Variants in NTM observed in about 807,000 individuals in gnomAD.
NTM encodes neurotrimin, also known as IgLON family member 2.
NTM carries 13 observed loss-of-function variants against 42.1 expected under a neutral mutation model. The ratio of observed to expected loss-of-function variants is 0.31; its 90% CI spans 0.20 to 0.49. The LOEUF is 0.49. Among genes scored for constraint, NTM ranks in the 20% least tolerant of loss-of-function variants. The probability of loss-of-function intolerance (pLI) is 0.99; values close to 1 mark genes in which losing one functional copy is unlikely to be tolerated. For synonymous variants in NTM, 187 were observed against 179.2 expected, an observed-to-expected ratio of 1.04 and a Z score of -0.35; for missense variants, 373 against 452.8, an observed-to-expected ratio of 0.82 and a Z score of 1.60.
chr11:131,476,596 G>A (rs1242232128), intron 1 of NTM, among the ~76,000 whole-genome samples: 1 of 152,186 alleles, frequency 6.6e-6, no homozygotes, highest in East Asian at 1.9e-4. Flanking sequence ...AGGGGTTTAT[G>A]TGTGTTCTGG....
At chr11:131,628,532 T>C (rs1016522988) in intron 1 of NTM, among the ~76,000 whole-genome samples, 9 of 152,174 alleles carry the variant, frequency 5.9e-5, no homozygotes, top group Non-Finnish European at 1.3e-4. Context: ...CGCCAGCATA[T>C]TGGAACTAAC....
intron 1 of NTM, among the ~76,000 whole-genome samples, chr11:131,616,054 G>A (rs1048430428): frequency 1.3e-5 from 2 of 152,220 alleles, no homozygotes; most frequent in African/African-American, 2.4e-5. Flanking sequence ...GAATCCTCAG[G>A]ACACGCTATC....
chr11:131,766,577 C>A (rs959915792), intron 1 of NTM, among the ~76,000 whole-genome samples: 1 of 79,270 alleles, frequency 1.3e-5, no homozygotes, highest in Non-Finnish European at 3.0e-5. Context: ...CACAGCAGGC[C>A]CCCCCCTTCT....
intron 1 of NTM, among the ~76,000 whole-genome samples, chr11:131,853,342 A>T (rs7114790): frequency 6.6e-6 from 1 of 152,032 alleles, no homozygotes; most frequent in African/African-American, 2.4e-5. Flanking sequence ...CCCATCACCC[A>T]GGTATTAACC....
intron 1 of NTM, among the ~76,000 whole-genome samples, chr11:131,686,467 A>T (rs2134936998): frequency 6.6e-6 from 1 of 152,346 alleles, no homozygotes; most frequent in African/African-American, 2.4e-5. Context: ...GAAGTGGACC[A>T]TCATAAAGGT....
At chr11:131,751,205 G>T (rs2082458486) in intron 1 of NTM, among the ~76,000 whole-genome samples, 1 of 152,110 alleles carries the variant, frequency 6.6e-6, no homozygotes, top group African/African-American at 2.4e-5. Context: ...GCAGGCCAAG[G>T]CAGGCGGATC....
intron 1 of NTM, among the ~76,000 whole-genome samples, chr11:131,754,099 A>T (rs1417949079): frequency 1.6e-5 from 2 of 127,484 alleles, no homozygotes; most frequent in African/African-American, 3.0e-5. Flanking sequence ...ACATGGACAC[A>T]GGAAGGGGAA....
intron 1 of NTM, among the ~76,000 whole-genome samples, chr11:131,816,436 G>T (rs1477529308): frequency 1.3e-5 from 2 of 151,890 alleles, no homozygotes; most frequent in Non-Finnish European, 2.9e-5. Context: ...TCTGGGGTAC[G>T]TATCTTCCTG....
chr11:131,963,213 C>T (rs914428731), intron 2 of NTM, among the ~76,000 whole-genome samples: 6 of 152,124 alleles, frequency 3.9e-5, no homozygotes, highest in Admixed American at 6.5e-5. Flanking sequence ...CACACCAGCT[C>T]GCCATGCTCC....
At chr11:132,154,238 G>A (rs1417761987) in intron 3 of NTM, among the ~76,000 whole-genome samples, 4 of 152,154 alleles carry the variant, frequency 2.6e-5, no homozygotes, top group African/African-American at 9.7e-5. Context: ...CTTTCACAAG[G>A]AAGTGCACAT....
intron 1 of NTM, among the ~76,000 whole-genome samples, chr11:131,698,868 C>A (rs1455809048): frequency 1.3e-5 from 2 of 152,154 alleles, no homozygotes; most frequent in African/African-American, 4.8e-5. Context: ...ATAAAGCGTA[C>A]CTTGACTGCT....
intron 2 of NTM, among the ~76,000 whole-genome samples, chr11:131,945,159 A>C (rs950611676): frequency 6.6e-6 from 1 of 152,244 alleles, no homozygotes; most frequent in South Asian, 2.1e-4. Flanking sequence ...ACAAAATTGC[A>C]TAAGTCAAGT....
At chr11:132,273,988 A>G (rs917176461) in intron 4 of NTM, among the ~76,000 whole-genome samples, 1 of 152,206 alleles carries the variant, frequency 6.6e-6, no homozygotes. Context: ...GAATTTGTCC[A>G]TTTAATCTAA....
chr11:131,638,469 G>A (rs1307347584), intron 1 of NTM, among the ~76,000 whole-genome samples: 1 of 151,282 alleles, frequency 6.6e-6, no homozygotes, highest in Non-Finnish European at 1.5e-5. Context: ...GGGAGGTTGA[G>A]GCAGCAGAAT....
At chr11:131,915,849 T>G (rs2056254520) in intron 2 of NTM, among the ~76,000 whole-genome samples, 1 of 152,192 alleles carries the variant, frequency 6.6e-6, no homozygotes, top group African/African-American at 2.4e-5. Context: ...TGGGGAAAAC[T>G]GCCCCGATGA....
At chr11:131,480,103 T>C (rs1029667974) in intron 1 of NTM, among the ~76,000 whole-genome samples, 1 of 151,442 alleles carries the variant, frequency 6.6e-6, no homozygotes, top group East Asian at 2.0e-4. Flanking sequence ...AAAAAAATAC[T>C]GCATTCAATT....
At chr11:131,454,617 T>C (rs2136068283) in intron 1 of NTM, among the ~76,000 whole-genome samples, 1 of 152,186 alleles carries the variant, frequency 6.6e-6, no homozygotes, top group South Asian at 2.1e-4. Context: ...AGAGCTTATA[T>C]CCATCCCACA....
intron 2 of NTM, among the ~76,000 whole-genome samples, chr11:132,080,023 T>C (rs1249200987): frequency 6.6e-6 from 1 of 152,164 alleles, no homozygotes; most frequent in Non-Finnish European, 1.5e-5. Flanking sequence ...TGGAGAAAAA[T>C]ATACATGGTA....
chr11:132,012,010 T>G (rs1258085381), intron 2 of NTM, among the ~76,000 whole-genome samples: 1 of 152,214 alleles, frequency 6.6e-6, no homozygotes, highest in Non-Finnish European at 1.5e-5. Flanking sequence ...CCATATAATA[T>G]AGTCATGTGT....
Sources: allele counts gnomAD v4.1 joint callset (sites outside exome capture counted in the v4.1 genomes callset), GRCh38; gene constraint gnomAD v4.1.1; transcripts MANE v1.5; gene names NCBI Gene and HGNC (gene_info 2026-07-23, HGNC 2026-07-21).